Variants in DNAAF4 observed in about 807,000 individuals in gnomAD.
DNAAF4 encodes the protein dynein assembly factor 4, axonemal.
In DNAAF4, 43 loss-of-function variants were observed where a neutral mutation model predicts 51.8. That is an observed-to-expected ratio of 0.83 (90% CI 0.65 to 1.07). DNAAF4 has a LOEUF of 1.07. Among genes scored for constraint, DNAAF4 ranks in the 50% least tolerant of loss-of-function variants. DNAAF4 has a pLI of 0.00. For missense variants in DNAAF4, 581 were observed against 493.0 expected (o/e 1.18, Z -1.69); for synonymous variants, 194 against 165.6 (o/e 1.17, Z -1.32).
At chr15:55,434,778 TAAGA>T (rs2057581353) in intron 8 of DNAAF4, 123 bp downstream of exon 8, 1 of 900,220 alleles carries the variant, frequency 1.1e-6, no homozygotes, top group Admixed American at 3.3e-5. Context: ...AAAGATTCAA[TAAGA>T]AAGACAATCT....
intron 7 of DNAAF4, among the ~76,000 whole-genome samples, chr15:55,436,577 G>T (rs1281380931): frequency 6.6e-6 from 1 of 151,864 alleles, no homozygotes; most frequent in Non-Finnish European, 1.5e-5. Flanking sequence ...TAGAGACAGG[G>T]TTTCACCATG....
Position 55,498,274 on chromosome 15 carries a change from A to T in DNAAF4, c.56T>A (p.Leu19Gln), listed in dbSNP as rs1200826286. The T allele has an allele frequency of 1.9e-6, 3 of 1,613,768 alleles. No individual in the cohort carries two copies. Among genetic ancestry groups the T allele is most frequent in the Non-Finnish European group, 2.5e-6 (3 of 1,179,820 alleles). The change falls in exon 2 of 10, where the codon CTG becomes CAG. Residue 19 changes from leucine to glutamine, a missense_variant. Transcript: ENST00000321149. ...SWQQTKTAVFLSLPLKGVCVR... is the reference protein window; with the variant it reads ...SWQQTKTAVFQSLPLKGVCVR... Reference sequence around the variant, plus strand: ...GCACACGCCTTTGAGGGGCAGAGACAGAAAGACCGCAGTCTTCGTCTGCTG... The same window carrying T: ...GCACACGCCTTTGAGGGGCAGAGACTGAAAGACCGCAGTCTTCGTCTGCTG...
rs142193679 is a variant in DNAAF4, at chr15:55,456,436, G to A, written c.638-6069C>T. 5.3e-5 allele frequency among the ~76,000 whole-genome samples: 8 copies of A among 152,192 alleles called. No homozygotes were observed. The East Asian group carries it at 9.6e-4, about 18-fold the overall frequency. ...TCTAAAATTAGATAAAACCAAACTCGTAGCTTTCAGTATAGAATTATATTC... is the reference window on the plus strand; with the variant it reads ...TCTAAAATTAGATAAAACCAAACTCATAGCTTTCAGTATAGAATTATATTC... On this transcript the variant is annotated intron_variant, in intron 5 of 9. Transcript: ENST00000321149.
intron 3 of DNAAF4, among the ~76,000 whole-genome samples, chr15:55,492,343 A>G (rs2058586499): frequency 6.6e-6 from 1 of 151,524 alleles, no homozygotes; most frequent in East Asian, 1.9e-4. Flanking sequence ...GGGAGAGTAG[A>G]TAAGGGGTGG....
chr15:55,442,945 A>C (rs1178447268), intron 6 of DNAAF4: 17 of 1,611,512 alleles, frequency 1.1e-5, no homozygotes, highest in Admixed American at 8.3e-5. Flanking sequence ...TCCTTGAAAT[A>C]AGCAAACCAT....
exon 8 of DNAAF4, chr15:55,417,965 T>C: frequency 1.6e-6 from 1 of 633,510 alleles, no homozygotes. Context: ...AGAAGGAATT[T>C]CACAAGGTAA....
At chr15:55,479,089 C>T (rs1359882953) in intron 4 of DNAAF4, among the ~76,000 whole-genome samples, 1 of 150,760 alleles carries the variant, frequency 6.6e-6, no homozygotes, top group Non-Finnish European at 1.5e-5. Context: ...GCTGTATGCA[C>T]ATTTTCCCCT....
At chr15:55,492,585 G>T (rs1264756785) in intron 3 of DNAAF4, among the ~76,000 whole-genome samples, 1 of 151,940 alleles carries the variant, frequency 6.6e-6, no homozygotes, top group Non-Finnish European at 1.5e-5. Flanking sequence ...CTGTTGCCAG[G>T]CTGGAGTGCT....
At chr15:55,422,576 A>T (rs2057397573) in intron 7 of DNAAF4, among the ~76,000 whole-genome samples, 2 of 152,224 alleles carry the variant, frequency 1.3e-5, no homozygotes, top group South Asian at 4.1e-4. Flanking sequence ...GAGGCCTGGA[A>T]GCCCAGCTTG....
At chr15:55,497,972 C>A in intron 2 of DNAAF4, 113 bp from the exon 3 acceptor site, 1 of 1,411,868 alleles carries the variant, frequency 7.1e-7, no homozygotes, top group Non-Finnish European at 9.5e-7. Context: ...TAAATTTATG[C>A]CAGGTAGTGA....
At chr15:55,435,810 CAG>C in intron 7 of DNAAF4, among the ~76,000 whole-genome samples, 1 of 152,194 alleles carries the variant, frequency 6.6e-6, no homozygotes, top group African/African-American at 2.4e-5. Flanking sequence ...TTTTTTGAGA[CAG>C]AGTTTCACTC....
At chr15:55,479,659 T>C (rs1434040932) in intron 4 of DNAAF4, among the ~76,000 whole-genome samples, 1 of 152,096 alleles carries the variant, frequency 6.6e-6, no homozygotes, top group Non-Finnish European at 1.5e-5. Context: ...AGGAGACATA[T>C]CGCTAAATTC....
At chr15:55,454,725 G>A (rs1021540204) in intron 5 of DNAAF4, among the ~76,000 whole-genome samples, 1 of 152,088 alleles carries the variant, frequency 6.6e-6, no homozygotes. Flanking sequence ...GAAATTCCCA[G>A]AATTGATGAA....
intron 1 of DNAAF4, among the ~76,000 whole-genome samples, chr15:55,503,090 GA>G (rs747031242): frequency 2.0e-5 from 3 of 151,652 alleles, no homozygotes; most frequent in Admixed American, 2.0e-4. Flanking sequence ...TGATAAACGG[GA>G]TATCACCACC....
intron 4 of DNAAF4, among the ~76,000 whole-genome samples, chr15:55,478,586 C>T (rs1260701877): frequency 6.6e-6 from 1 of 152,212 alleles, no homozygotes; most frequent in East Asian, 1.9e-4. Context: ...AAGTCAAACA[C>T]ACTGCTATCC....
In DNAAF4 at chr15:55,467,046, T is replaced by G; in HGVS notation, c.521A>C (p.Lys174Thr). Residue 174 changes from lysine to threonine, a missense_variant, in exon 5 of 10, where the codon AAA becomes ACA. Transcript: ENST00000321149. ...ACATAATTTCTCTTCTCTCTGAATTTTTTTTTGCTCCTCAGCTTTTCTTTG... is the reference window on the plus strand; with the variant it reads ...ACATAATTTCTCTTCTCTCTGAATTGTTTTTTGCTCCTCAGCTTTTCTTTG... ...EYQRKAEEQKKIQREEKLCQK... is the reference protein window; with the variant it reads ...EYQRKAEEQKTIQREEKLCQK... 1 of 1,559,292 alleles carries G rather than the reference T, an allele frequency of 6.4e-7. No individual in the cohort carries two copies. Among genetic ancestry groups the G allele is most frequent in the Non-Finnish European group, 8.7e-7 (1 of 1,154,470 alleles).
intron 4 of DNAAF4, among the ~76,000 whole-genome samples, chr15:55,485,939 G>T (rs1310321256): frequency 7.0e-6 from 1 of 143,078 alleles, no homozygotes; most frequent in African/African-American, 2.6e-5. Context: ...AGCTTGCAGT[G>T]AGCCAAGACT....
intron 1 of DNAAF4, among the ~76,000 whole-genome samples, chr15:55,499,276 C>A (rs1275921997): frequency 6.6e-6 from 1 of 152,188 alleles, no homozygotes; most frequent in East Asian, 1.9e-4. Flanking sequence ...TCTCCCCAAA[C>A]CCACACCTCT....
chr15:55,450,825 C>T (rs915845925), intron 5 of DNAAF4, among the ~76,000 whole-genome samples: 15 of 152,202 alleles, frequency 9.9e-5, no homozygotes, highest in African/African-American at 3.4e-4. Context: ...AGGACGGGCG[C>T]AGTGGCTCAT....
Sources: allele counts gnomAD v4.1 joint callset (sites outside exome capture counted in the v4.1 genomes callset), GRCh38; gene constraint gnomAD v4.1.1; transcripts MANE v1.5; gene names NCBI Gene and HGNC (gene_info 2026-07-23, HGNC 2026-07-21).